Variants in SRPK2 observed in about 807,000 individuals in gnomAD.
SRPK2 encodes SFRS protein kinase 2.
SRPK2 carries 21 observed loss-of-function variants against 90.8 expected under a neutral mutation model. The observed-to-expected ratio is 0.23, with a 90% CI of 0.16 to 0.33. The LOEUF is 0.33. SRPK2 is among the 10% of genes least tolerant of loss of function. The pLI, the probability that SRPK2 is intolerant of heterozygous loss-of-function variation, is 1.00. For synonymous variants in SRPK2, 288 were observed against 311.1 expected (o/e 0.93, Z 0.78); for missense variants, 620 against 869.0 (o/e 0.71, Z 3.60).
At chr7:105,289,402 C>T (rs1415580664) in intron 2 of SRPK2, among the ~76,000 whole-genome samples, 1 of 152,080 alleles carries the variant, frequency 6.6e-6, no homozygotes, top group East Asian at 1.9e-4. Context: ...GGTTCAATTC[C>T]AGACCACCTC....
At chr7:105,361,730 T>G (rs561059299) in intron 2 of SRPK2, among the ~76,000 whole-genome samples, 3 of 152,166 alleles carry the variant, frequency 2.0e-5, no homozygotes, top group Non-Finnish European at 4.4e-5. Context: ...GGGGAAAGCA[T>G]TCCCCATTTA....
At chr7:105,374,105 T>G (rs1360110586) in intron 2 of SRPK2, among the ~76,000 whole-genome samples, 1 of 152,040 alleles carries the variant, frequency 6.6e-6, no homozygotes, top group Non-Finnish European at 1.5e-5. Context: ...TTTTATATTT[T>G]TAGTAGAGAC....
rs1023561495 is a variant in SRPK2 at position 105,304,416 on chromosome 7, T to C, written c.71+84232A>G. 14 of 152,318 alleles carry C rather than the reference T, an allele frequency of 9.2e-5. 1 individual carries two copies. Among genetic ancestry groups the C allele is most frequent in the African/African-American group, 2.6e-4 (11 of 41,582 alleles). 9.4% of individuals were successfully genotyped at this position (152,318 alleles called of 1,614,324 possible). ...TCCTAAAGAAGACCTTGGGGTACAA[T>C]GGCAGCATTGTTGGGGTAAGTACAC... On this transcript the variant is annotated intron_variant, in intron 2 of 15. Coordinates refer to ENST00000393651, the MANE Select transcript of SRPK2 (RefSeq NM_182692.3).
intron 2 of SRPK2, among the ~76,000 whole-genome samples, chr7:105,380,549 A>C (rs1469382755): frequency 7.5e-6 from 1 of 132,482 alleles, no homozygotes; most frequent in Non-Finnish European, 1.6e-5. Flanking sequence ...TTTGAGATGG[A>C]GTCTCGCTCT....
At chr7:105,321,506 A>C (rs1484393300) in intron 2 of SRPK2, among the ~76,000 whole-genome samples, 1 of 152,218 alleles carries the variant, frequency 6.6e-6, no homozygotes, top group Non-Finnish European at 1.5e-5. Flanking sequence ...TTTCTGCATC[A>C]AATGACATTA....
intron 1 of SRPK2, among the ~76,000 whole-genome samples, chr7:105,395,924 TA>T (rs1303669593): frequency 1.3e-5 from 2 of 152,266 alleles, no homozygotes; most frequent in Non-Finnish European, 2.9e-5. Context: ...TTTATTTATT[TA>T]TTTTTTTGAG....
At chr7:105,178,585 G>A (rs1007487512) in intron 3 of SRPK2, among the ~76,000 whole-genome samples, 2 of 151,992 alleles carry the variant, frequency 1.3e-5, no homozygotes, top group African/African-American at 4.8e-5. Context: ...AATCACACAT[G>A]AGGCAGGAGG....
chr7:105,159,150 C>CT (rs1171249137), intron 7 of SRPK2, among the ~76,000 whole-genome samples: 1 of 152,044 alleles, frequency 6.6e-6, no homozygotes. Flanking sequence ...TCCAGCCCCT[C>CT]TTCTCAAGTA....
intron 2 of SRPK2, among the ~76,000 whole-genome samples, chr7:105,333,246 T>C (rs1422717153): frequency 6.6e-6 from 1 of 152,174 alleles, no homozygotes; most frequent in Non-Finnish European, 1.5e-5. Flanking sequence ...AAACTATGGA[T>C]GTAAATTGTG....
chr7:105,232,258 C>T (rs1799515852), intron 2 of SRPK2, among the ~76,000 whole-genome samples: 1 of 151,794 alleles, frequency 6.6e-6, no homozygotes, highest in Non-Finnish European at 1.5e-5. Flanking sequence ...GTCAGGAGTT[C>T]GAGACCAGCC....
Position 105,117,576 on chromosome 7 carries a change from A to G in SRPK2, c.*262T>C. The G allele has an allele frequency of 2.2e-6, 1 of 463,518 alleles. No individual in the cohort carries two copies. Among genetic ancestry groups the G allele is most frequent in the Non-Finnish European group, 3.8e-6 (1 of 262,498 alleles). 28.7% of individuals were successfully genotyped at this position (463,518 alleles called of 1,614,324 possible). ...AAATGACATTTGAATGTCACACAACACAAGAAACAATGCTTAGAGACATGT... is the reference window on the plus strand; with the variant it reads ...AAATGACATTTGAATGTCACACAACGCAAGAAACAATGCTTAGAGACATGT... On this transcript the variant is annotated 3_prime_UTR_variant, in exon 16 of 16. Transcript: ENST00000393651.
intron 15 of SRPK2, among the ~76,000 whole-genome samples, chr7:105,124,498 G>A (rs1252607846): frequency 2.0e-5 from 3 of 151,866 alleles, no homozygotes; most frequent in African/African-American, 4.8e-5. Context: ...AAAATTAGCC[G>A]GGCGTGGTGG....
At chr7:105,233,570 G>A (rs947120027) in intron 2 of SRPK2, among the ~76,000 whole-genome samples, 5 of 152,008 alleles carry the variant, frequency 3.3e-5, no homozygotes, top group African/African-American at 9.7e-5. Flanking sequence ...AATAAAATAC[G>A]GGCTGGGCGC....
chr7:105,303,073 C>CA (rs926789697), intron 2 of SRPK2, among the ~76,000 whole-genome samples: 30 of 149,244 alleles, frequency 2.0e-4, no homozygotes, highest in East Asian at 1.6e-3. Context: ...GACTCCGTCT[C>CA]AAAAAAAAAG....
At chr7:105,127,933 A>G (rs758257018) in intron 13 of SRPK2, among the ~76,000 whole-genome samples, 2 of 152,202 alleles carry the variant, frequency 1.3e-5, no homozygotes, top group Non-Finnish European at 2.9e-5. Context: ...CAGAGGCCCA[A>G]TCACTGATGC....
At chr7:105,367,448 A>T (rs1311283928) in intron 2 of SRPK2, among the ~76,000 whole-genome samples, 1 of 152,018 alleles carries the variant, frequency 6.6e-6, no homozygotes, top group Non-Finnish European at 1.5e-5. Flanking sequence ...TTTTTTATAG[A>T]GACGGGGTCT....
Position 105,118,220 on chromosome 7 carries a change from C to A in SRPK2, c.1916-198G>T, listed in dbSNP as rs560394368. ...TGACCAAGGCATATTTCAAGTAAGC[C>A]TGGTGGATCTAAATAGAGGTTAATT... On this transcript the variant is annotated intron_variant, in intron 15 of 15. Coordinates refer to ENST00000393651, the MANE Select transcript of SRPK2 (RefSeq NM_182692.3). 1.4e-3 allele frequency among the ~76,000 whole-genome samples: 210 copies of A among 152,276 alleles called. 3 individuals carry two copies. In the Middle Eastern group the frequency reaches 0.024, roughly 17 times the overall value.
At chr7:105,134,172 G>A (rs1440685635) in intron 11 of SRPK2, among the ~76,000 whole-genome samples, 4 of 152,202 alleles carry the variant, frequency 2.6e-5, no homozygotes, top group East Asian at 3.9e-4. Context: ...GATATGATTC[G>A]GGTTTGTGTC....
intron 1 of SRPK2, among the ~76,000 whole-genome samples, chr7:105,394,893 G>C (rs186486785): frequency 1.3e-5 from 2 of 152,258 alleles, no homozygotes; most frequent in Admixed American, 1.3e-4. Context: ...CAAAACAGCC[G>C]GGCGCGGTGG....
Sources: allele counts gnomAD v4.1 joint callset (sites outside exome capture counted in the v4.1 genomes callset), GRCh38; gene constraint gnomAD v4.1.1; transcripts MANE v1.5; gene names NCBI Gene and HGNC (gene_info 2026-07-23, HGNC 2026-07-21).